The following PRKAA2 variants were observed in gnomAD, a reference collection of about 807,000 sequenced individuals.
The protein encoded by PRKAA2 is 5'-AMP-activated protein kinase catalytic subunit alpha-2.
PRKAA2 carries 40 observed loss-of-function variants against 56.3 expected under a neutral mutation model. The observed-to-expected ratio is 0.71, with a 90% confidence interval of 0.55 to 0.92. The LOEUF (loss-of-function observed/expected upper bound fraction) is 0.92. Among genes scored for constraint, PRKAA2 ranks in the 40% least tolerant of loss-of-function variants. The probability of loss-of-function intolerance (pLI) is 0.00; values close to 1 mark genes in which losing one functional copy is unlikely to be tolerated. For missense variants in PRKAA2, 542 were observed against 686.9 expected (o/e 0.79, Z 2.36); for synonymous variants, 214 against 234.2 (o/e 0.91, Z 0.79).
intron 5 of PRKAA2, among the ~76,000 whole-genome samples, chr1:56,694,201 C>T (rs1644245070): frequency 6.6e-6 from 1 of 152,038 alleles, no homozygotes; most frequent in African/African-American, 2.4e-5. Flanking sequence ...TAATACCTTG[C>T]ATATTTTCCA....
Position 56,711,214 on chromosome 1 carries a change from A to G in PRKAA2, c.*3501A>G, listed in dbSNP as rs1272557303. The G allele has an allele frequency of 6.6e-6, 1 of 152,096 alleles. No homozygotes were observed. The highest frequency in any genetic ancestry group is 6.6e-5 in the Admixed American group (1 of 15,260). The allele number at this position is 152,096 out of a possible 1,614,324, so 9.4% of individuals were successfully genotyped here. On this transcript the variant is annotated 3_prime_UTR_variant, in exon 9 of 9. Transcript: ENST00000371244. ...AATGGGTTTTTCAGGACAGTTTTAT[A>G]ATTCTGAGTTTGCTTTTTCTTATTC...
chr1:56,683,299 A>G (rs1644168666), intron 2 of PRKAA2, among the ~76,000 whole-genome samples: 2 of 152,102 alleles, frequency 1.3e-5, no homozygotes, highest in Non-Finnish European at 2.9e-5. Flanking sequence ...CTCTCCTGCA[A>G]CTAGCACAGT....
chr1:56,704,005 T>C lies in PRKAA2; in HGVS notation c.823T>C (p.Tyr275His), dbSNP rs1338856347. ...ATGGTTTAAACAAGATTTGCCCAGT[T>C]ACTTATTTCCTGAAGACCCTTCCTA... Reference protein sequence around the residue: ...HEWFKQDLPSYLFPEDPSYDA... With the variant: ...HEWFKQDLPSHLFPEDPSYDA... Residue 275 changes from tyrosine (Y) to histidine (H), a missense_variant, in exon 7 of 9, where the codon TAC becomes CAC. Tyr to His is a moderately conservative substitution (Grantham distance 83, BLOSUM62 2). Coordinates refer to ENST00000371244, the MANE Select transcript of PRKAA2 (RefSeq NM_006252.4). 1 of 1,612,588 alleles carries C rather than the reference T, an allele frequency of 6.2e-7. No individual in the cohort carries two copies. Among genetic ancestry groups the C allele is most frequent in the Non-Finnish European group, 8.5e-7 (1 of 1,179,038 alleles).
In PRKAA2 at chr1:56,651,902, T is replaced by C. The variant is rs1023901562; in HGVS notation, c.94+6421T>C. On this transcript the variant is annotated intron_variant, in intron 1 of 8. Transcript: ENST00000371244. Reference sequence around the variant, plus strand: ...TGTCGCCCAGGCTGGAGTGCAGTGGTGCTATCTCAGCTCACTGCAAGCTCC... The same window carrying C: ...TGTCGCCCAGGCTGGAGTGCAGTGGCGCTATCTCAGCTCACTGCAAGCTCC... 5.3e-5 allele frequency among the ~76,000 whole-genome samples: 8 copies of C among 151,362 alleles called. No individual in the cohort carries two copies. In the East Asian group the frequency reaches 1.6e-3, roughly 29 times the overall value.
chr1:56,660,376 C>T lies in PRKAA2; in HGVS notation c.95-14005C>T, dbSNP rs9887940. On this transcript the variant is annotated intron_variant, in intron 1 of 8. Transcript: ENST00000371244. Reference sequence around the variant, plus strand: ...TTAGAGACTCTTAAGACTTTCAGTTCATGTGTTATTTTCTTGATTTTTCAG... The same window carrying T: ...TTAGAGACTCTTAAGACTTTCAGTTTATGTGTTATTTTCTTGATTTTTCAG... 2.0e-5 allele frequency among the ~76,000 whole-genome samples: 3 copies of T among 151,680 alleles called. No homozygotes were observed. In the South Asian group the frequency reaches 6.2e-4, roughly 31 times the overall value.
intron 1 of PRKAA2, among the ~76,000 whole-genome samples, chr1:56,672,111 T>G (rs1644081396): frequency 1.3e-5 from 2 of 151,984 alleles, no homozygotes; most frequent in Admixed American, 1.3e-4. Flanking sequence ...ATGTGGTTTT[T>G]TTGTTTTTGT....
intron 2 of PRKAA2, among the ~76,000 whole-genome samples, chr1:56,681,900 T>C (rs901101112): frequency 6.6e-6 from 1 of 152,168 alleles, no homozygotes; most frequent in Admixed American, 6.5e-5. Context: ...AAGAAAGTTA[T>C]TGGTAGTTTG....
At chr1:56,652,103 C>A (rs1263568848) in intron 1 of PRKAA2, among the ~76,000 whole-genome samples, 1 of 151,348 alleles carries the variant, frequency 6.6e-6, no homozygotes, top group Non-Finnish European at 1.5e-5. Flanking sequence ...ACCTCTGCCT[C>A]CTGGGTTCAA....
chr1:56,683,071 ATTTTTTTTTTTTT>A (rs10606990), intron 2 of PRKAA2, among the ~76,000 whole-genome samples: 6 of 87,214 alleles, frequency 6.9e-5, no homozygotes, highest in Middle Eastern at 6.7e-3. Context: ...AAAGAAAGGA[ATTTTTTTTTTTTT>A]TTTTTTTTTT....
intron 1 of PRKAA2, among the ~76,000 whole-genome samples, chr1:56,656,457 C>T (rs1643943092): frequency 6.6e-6 from 1 of 152,170 alleles, no homozygotes; most frequent in Non-Finnish European, 1.5e-5. Context: ...GATTGGTTAA[C>T]TGCATTTGGA....
At chr1:56,647,718 T>C (rs1252928481) in intron 1 of PRKAA2, among the ~76,000 whole-genome samples, 2 of 51,752 alleles carry the variant, frequency 3.9e-5, no homozygotes, top group Admixed American at 2.8e-4. Flanking sequence ...AAAAGTCATG[T>C]TTTTTTTTTT....
At chr1:56,697,012 A>ATTTTTTTTTTTTTTTTTTTTTTTTTTTTT (rs752842791) in intron 6 of PRKAA2, among the ~76,000 whole-genome samples, 1 of 57,868 alleles carries the variant, frequency 1.7e-5, no homozygotes, top group Non-Finnish European at 3.0e-5. Context: ...CCAGCAAAGA[A>ATTTTTTTTTTTTTTTTTTTTTTTTTTTTT]TTTTTTTTTT....
At chr1:56,658,101 G>C (rs1020290714) in intron 1 of PRKAA2, among the ~76,000 whole-genome samples, 4 of 152,178 alleles carry the variant, frequency 2.6e-5, no homozygotes, top group African/African-American at 9.6e-5. Context: ...TTAGACTGAA[G>C]TTAAGGATGC....
At position 56,659,907 on chromosome 1, in the gene PRKAA2, C is replaced by CTAAA. The variant is rs978411579; in HGVS notation, c.94+14439_94+14442dup. Among the ~76,000 whole-genome samples the CTAAA allele has an allele frequency of 3.3e-5, 5 of 152,084 alleles. No individual in the cohort carries two copies. In the East Asian group the frequency reaches 9.7e-4, roughly 29 times the overall value. ...TGTGTGACAAAGAGAGACCCTGTCT[C>CTAAA]TAAATAAATAAATAAAGCAGAATAC... On this transcript the variant is annotated intron_variant, in intron 1 of 8. Coordinates refer to ENST00000371244, the MANE Select transcript of PRKAA2 (RefSeq NM_006252.4).
intron 1 of PRKAA2, among the ~76,000 whole-genome samples, chr1:56,662,299 A>G (rs1009919112): frequency 6.6e-6 from 1 of 152,170 alleles, no homozygotes; most frequent in Non-Finnish European, 1.5e-5. Flanking sequence ...GAAACATCAG[A>G]TTATATTTGG....
intron 1 of PRKAA2, among the ~76,000 whole-genome samples, chr1:56,647,798 G>A (rs1475545129): frequency 6.6e-6 from 1 of 151,808 alleles, no homozygotes; most frequent in Non-Finnish European, 1.5e-5. Context: ...GGGAGGCTGA[G>A]GCGGGCGGTT....
chr1:56,684,767 A>G (rs1644179627), intron 2 of PRKAA2, among the ~76,000 whole-genome samples: 3 of 152,174 alleles, frequency 2.0e-5, no homozygotes, highest in Admixed American at 1.3e-4. Flanking sequence ...AAAGGGTTTA[A>G]GAGGGAATAT....
chr1:56,695,078 TAGTA>T (rs1055552055), intron 5 of PRKAA2, among the ~76,000 whole-genome samples: 25 of 151,354 alleles, frequency 1.7e-4, no homozygotes, highest in Admixed American at 1.3e-3. Context: ...AGAATAGAAA[TAGTA>T]AGTACTCAGG....
At chr1:56,707,391 A>T in intron 8 of PRKAA2, 84 bp from the exon 9 acceptor site, 1 of 1,138,404 alleles carries the variant, frequency 8.8e-7, no homozygotes, top group Non-Finnish European at 1.3e-6. Flanking sequence ...GTGTTTACTT[A>T]ATATTCTGAA....
Sources: allele counts gnomAD v4.1 joint callset (sites outside exome capture counted in the v4.1 genomes callset), GRCh38; gene constraint gnomAD v4.1.1; transcripts MANE v1.5; gene names NCBI Gene and HGNC (gene_info 2026-07-23, HGNC 2026-07-21).